Variants in THRB observed in about 807,000 individuals in gnomAD.
THRB encodes thyroid hormone receptor beta.
In THRB, 12 loss-of-function variants were observed where a neutral mutation model predicts 47.8. The observed-to-expected ratio is 0.25, with a 90% CI of 0.16 to 0.41. The LOEUF is 0.41. Among genes scored for constraint, THRB ranks in the 10% least tolerant of loss-of-function variants. The pLI, the probability that THRB is intolerant of heterozygous loss-of-function variation, is 1.00. For missense variants in THRB, 348 were observed against 589.2 expected, an observed-to-expected ratio of 0.59 and a Z score of 4.24; for synonymous variants, 218 against 212.2, an observed-to-expected ratio of 1.03 and a Z score of -0.24.
intron 1 of THRB, among the ~76,000 whole-genome samples, chr3:24,460,877 G>A (rs931977206): frequency 6.6e-6 from 1 of 152,158 alleles, no homozygotes; most frequent in African/African-American, 2.4e-5. Context: ...AACTCTTACA[G>A]GGTTATTTGT....
At chr3:24,486,944 A>C (rs1477623798) in intron 1 of THRB, among the ~76,000 whole-genome samples, 1 of 152,210 alleles carries the variant, frequency 6.6e-6, no homozygotes, top group Non-Finnish European at 1.5e-5. Flanking sequence ...CCTAGGTAAA[A>C]TTTTAAAAGT....
At chr3:24,298,333 G>A (rs747822507) in intron 2 of THRB, among the ~76,000 whole-genome samples, 3 of 152,118 alleles carry the variant, frequency 2.0e-5, no homozygotes, top group Non-Finnish European at 4.4e-5. Context: ...TACTATCCAC[G>A]CCCCATGGGA....
chr3:24,298,070 C>T lies in THRB; in HGVS notation c.-188-699G>A, dbSNP rs146038831. Among the ~76,000 whole-genome samples the T allele has an allele frequency of 2.0e-3, 300 of 152,154 alleles. 1 individual carries two copies. Among genetic ancestry groups the T allele is most frequent in the African/African-American group, 6.6e-3 (274 of 41,502 alleles). ...AGTTGAAAACCTTGTTCTAAAGCAT[C>T]GAATTTCTATTTCTTCTTTAATGTT... On this transcript the variant is annotated intron_variant, in intron 2 of 10. Coordinates refer to ENST00000646209, the MANE Select transcript of THRB (RefSeq NM_001354712.2).
chr3:24,474,699 T>A (rs1204966114), intron 1 of THRB, among the ~76,000 whole-genome samples: 1 of 152,042 alleles, frequency 6.6e-6, no homozygotes, highest in African/African-American at 2.4e-5. Flanking sequence ...TAAAAACAAA[T>A]CCTCAATTTT....
rs572479681 is a variant in THRB at position 24,331,589 on chromosome 3, C to T, written c.-189+5711G>A. Among the ~76,000 whole-genome samples, 28 of 152,014 alleles carry T rather than the reference C, an allele frequency of 1.8e-4. 1 individual carries two copies. Among genetic ancestry groups the T allele is most frequent in the African/African-American group, 6.5e-4 (27 of 41,452 alleles). ...GGTATGGAGCCCTAGAAAAGTTTTA[C>T]ATTGTTGTTTTTGTTTTATGTATGC... On this transcript the variant is annotated intron_variant, in intron 2 of 10. Coordinates refer to ENST00000646209, the MANE Select transcript of THRB (RefSeq NM_001354712.2).
chr3:24,465,054 C>T (rs2074023756), intron 1 of THRB, among the ~76,000 whole-genome samples: 1 of 152,070 alleles, frequency 6.6e-6, no homozygotes, highest in Admixed American at 6.5e-5. Context: ...CTGCAACCTA[C>T]ACCTTCTTTC....
intron 2 of THRB, among the ~76,000 whole-genome samples, chr3:24,307,254 T>A (rs1363253383): frequency 7.3e-6 from 1 of 136,492 alleles, no homozygotes; most frequent in Non-Finnish European, 1.7e-5. Flanking sequence ...TGAGCTAAAG[T>A]TTATTTGTTT....
chr3:24,260,083 T>G, intron 3 of THRB, among the ~76,000 whole-genome samples: 1 of 152,222 alleles, frequency 6.6e-6, no homozygotes, highest in Non-Finnish European at 1.5e-5. Flanking sequence ...CAACCACTAA[T>G]CTACTTTCTG....
intron 1 of THRB, among the ~76,000 whole-genome samples, chr3:24,485,945 A>G (rs1326301959): frequency 6.6e-6 from 1 of 152,198 alleles, no homozygotes; most frequent in Non-Finnish European, 1.5e-5. Context: ...TCCACATATG[A>G]TAGATGAGGA....
intron 5 of THRB, among the ~76,000 whole-genome samples, chr3:24,161,386 G>A (rs546763692): frequency 8.2e-4 from 124 of 152,068 alleles, no homozygotes; most frequent in African/African-American, 2.8e-3. Context: ...GATCACATCT[G>A]TGTTTAAATT....
At chr3:24,490,611 T>C (rs1201544414) in intron 1 of THRB, among the ~76,000 whole-genome samples, 1 of 152,134 alleles carries the variant, frequency 6.6e-6, no homozygotes. Flanking sequence ...TGATAAGAGC[T>C]ATATAGACTA....
intron 8 of THRB, among the ~76,000 whole-genome samples, chr3:24,140,754 G>A (rs2035331788): frequency 6.6e-6 from 1 of 152,170 alleles, no homozygotes; most frequent in African/African-American, 2.4e-5. Flanking sequence ...TTCAAGGGGA[G>A]AGGGGAACAG....
At chr3:24,304,045 A>ATT (rs5847281) in intron 2 of THRB, among the ~76,000 whole-genome samples, 5,168 of 151,146 alleles carry the variant, frequency 0.034, 279 homozygotes, top group African/African-American at 0.12. Context: ...ATTAGCTCAT[A>ATT]TTTTTTTTTA....
intron 1 of THRB, among the ~76,000 whole-genome samples, chr3:24,374,164 G>T (rs1577168914): frequency 6.6e-6 from 1 of 152,204 alleles, no homozygotes; most frequent in East Asian, 1.9e-4. Context: ...GTAGAAAAGA[G>T]ACGTACAGGG....
chr3:24,119,420 C>T lies in THRB; in HGVS notation c.*3464G>A, dbSNP rs2031236869. ...ATTTCATAATTTATGACTCATGCAG[C>T]AAAAGGTCAATATGACACGAATAGG... On this transcript the variant is annotated 3_prime_UTR_variant, in exon 11 of 11. Transcript: ENST00000646209. The T allele has an allele frequency of 1.3e-5, 2 of 152,150 alleles. No homozygotes were observed. Among genetic ancestry groups the T allele is most frequent in the Admixed American group, 1.3e-4 (2 of 15,284 alleles). 9.4% of individuals were successfully genotyped at this position (152,150 alleles called of 1,614,324 possible). A position where few individuals can be genotyped will look rare whatever the true frequency, so the allele number is the denominator to read the frequency against.
At chr3:24,415,926 T>G (rs2068697793) in intron 1 of THRB, among the ~76,000 whole-genome samples, 1 of 151,836 alleles carries the variant, frequency 6.6e-6, no homozygotes, top group Middle Eastern at 3.2e-3. Flanking sequence ...AGTTAATGCT[T>G]AATGACTTTA....
intron 2 of THRB, among the ~76,000 whole-genome samples, chr3:24,306,723 C>A (rs2057365705): frequency 6.6e-6 from 1 of 152,110 alleles, no homozygotes; most frequent in South Asian, 2.1e-4. Flanking sequence ...TGCTCAAAGT[C>A]TTTGAATTGG....
At chr3:24,474,375 T>G (rs915027118) in intron 1 of THRB, among the ~76,000 whole-genome samples, 38 of 152,314 alleles carry the variant, frequency 2.5e-4, no homozygotes, top group African/African-American at 7.7e-4. Flanking sequence ...GCATGGCATT[T>G]GGCCCATCAT....
At chr3:24,252,349 C>CA (rs1159794091) in intron 3 of THRB, among the ~76,000 whole-genome samples, 3 of 151,510 alleles carry the variant, frequency 2.0e-5, no homozygotes, top group Admixed American at 2.0e-4. Context: ...TGGAAATTTA[C>CA]AATATAATAA....
Sources: gnomAD v4.1 joint callset for allele counts (sites outside exome capture counted in the v4.1 genomes callset) on GRCh38, gnomAD v4.1.1 for gene constraint, MANE v1.5 for transcripts, NCBI Gene and HGNC (gene_info 2026-07-23, HGNC 2026-07-21) for gene names.